Variants in TNKS observed in about 807,000 individuals in gnomAD.
TNKS encodes poly [ADP-ribose] polymerase tankyrase-1.
Under a neutral mutation model 135.8 loss-of-function variants are expected in TNKS, and 72 were observed. The observed-to-expected ratio is 0.53, with a 90% confidence interval of 0.44 to 0.64. The LOEUF (loss-of-function observed/expected upper bound fraction) is 0.64, where lower values mean the gene tolerates loss of function less well. Ranked by LOEUF, TNKS falls within the 30% of genes least tolerant of loss-of-function variation. The pLI, the probability that TNKS is intolerant of heterozygous loss-of-function variation, is 0.00. For synonymous variants in TNKS, 849 were observed against 649.3 expected (o/e 1.31, Z -4.68); for missense variants, 1,769 against 1,674.0 (o/e 1.06, Z -0.99).
chr8:9,679,543 C>T (rs2128796714), intron 3 of TNKS, among the ~76,000 whole-genome samples: 1 of 152,056 alleles, frequency 6.6e-6, no homozygotes, highest in Non-Finnish European at 1.5e-5. Context: ...GTAATTTGTA[C>T]CTTTAAAGAG....
intron 5 of TNKS, among the ~76,000 whole-genome samples, chr8:9,688,983 TATC>T (rs1409140628): frequency 2.6e-5 from 4 of 152,140 alleles, no homozygotes; most frequent in Non-Finnish European, 5.9e-5. Flanking sequence ...GCACTAATCT[TATC>T]ATGAGGTTCC....
At chr8:9,701,197 A>G (rs1803786304) in intron 5 of TNKS, among the ~76,000 whole-genome samples, 1 of 152,140 alleles carries the variant, frequency 6.6e-6, no homozygotes, top group African/African-American at 2.4e-5. Context: ...TCAGCCTCCC[A>G]AAGTGCTGGG....
chr8:9,675,514 T>A (rs572202854), intron 3 of TNKS, among the ~76,000 whole-genome samples: 13 of 152,346 alleles, frequency 8.5e-5, no homozygotes, highest in South Asian at 8.3e-4. Context: ...GGAATAGACC[T>A]CAGTGAATTT....
At chr8:9,558,161 T>G (rs1459461952) in intron 1 of TNKS, 1 of 152,202 alleles carries the variant, frequency 6.6e-6, no homozygotes, top group Non-Finnish European at 1.5e-5. Context: ...ATACATGTGT[T>G]GTCCTCTGAT....
intron 2 of TNKS, among the ~76,000 whole-genome samples, chr8:9,583,846 C>T (rs1798263613): frequency 6.6e-6 from 1 of 151,032 alleles, no homozygotes; most frequent in African/African-American, 2.4e-5. Context: ...AAATTATAAG[C>T]ATACTTTTCA....
At chr8:9,579,392 C>A (rs1040936102) in intron 1 of TNKS, among the ~76,000 whole-genome samples, 2 of 152,180 alleles carry the variant, frequency 1.3e-5, no homozygotes, top group Non-Finnish European at 2.9e-5. Context: ...ATACATTCAT[C>A]CCCAATTTCC....
intron 2 of TNKS, among the ~76,000 whole-genome samples, chr8:9,594,760 C>T (rs1312039597): frequency 6.6e-6 from 1 of 152,108 alleles, no homozygotes; most frequent in African/African-American, 2.4e-5. Context: ...ATTTTATAAA[C>T]AGTAGTATAA....
At chr8:9,641,727 A>G (rs1360889482) in intron 3 of TNKS, among the ~76,000 whole-genome samples, 1 of 145,188 alleles carries the variant, frequency 6.9e-6, no homozygotes, top group Non-Finnish European at 1.5e-5. Flanking sequence ...AATGATTTAC[A>G]TAGAACCACC....
chr8:9,668,405 GTA>G (rs2128791549), intron 3 of TNKS, among the ~76,000 whole-genome samples: 1 of 152,262 alleles, frequency 6.6e-6, no homozygotes, highest in Admixed American at 6.5e-5. Context: ...TAGTTGTCAA[GTA>G]TTTACAGAAT....
At chr8:9,766,842 G>A (rs1807479278) in intron 25 of TNKS, among the ~76,000 whole-genome samples, 1 of 152,142 alleles carries the variant, frequency 6.6e-6, no homozygotes, top group Admixed American at 6.5e-5. Flanking sequence ...TTGCATCCCG[G>A]TAAATCCCGT....
chr8:9,771,957 G>A (rs1265149956), intron 26 of TNKS, among the ~76,000 whole-genome samples: 1 of 16,668 alleles, frequency 6.0e-5, no homozygotes, highest in African/African-American at 2.3e-4. Context: ...GGAGGGAGTG[G>A]GAGGGAGTGA....
At chr8:9,607,537 T>C (rs1397257799) in intron 2 of TNKS, among the ~76,000 whole-genome samples, 1 of 152,212 alleles carries the variant, frequency 6.6e-6, no homozygotes, top group Non-Finnish European at 1.5e-5. Flanking sequence ...CTCTGTAACA[T>C]CACAATCCAC....
chr8:9,573,667 C>T (rs139540752), intron 1 of TNKS, among the ~76,000 whole-genome samples: 170 of 152,158 alleles, frequency 1.1e-3, no homozygotes, highest in African/African-American at 3.0e-3. Context: ...GATCTTTTTA[C>T]GCTTAAAAAG....
intron 14 of TNKS, among the ~76,000 whole-genome samples, chr8:9,732,208 G>A (rs1805480070): frequency 6.6e-6 from 1 of 152,154 alleles, no homozygotes; most frequent in South Asian, 2.1e-4. Context: ...ATTCCTAGAA[G>A]CATAGTTTTA....
chr8:9,615,823 A>T (rs749424205), intron 3 of TNKS, 146 bp downstream of exon 3: 30 of 617,850 alleles, frequency 4.9e-5, no homozygotes, highest in Non-Finnish European at 7.5e-5. Flanking sequence ...TATTGATTTG[A>T]TATCTGTCTC....
At position 9,708,511 on chromosome 8, in the gene TNKS, T is replaced by C. The variant is rs1385505322; in HGVS notation, c.1578+19T>C. ...AGCACTGGTAAGATTTTATTGTTAA[T>C]CTATTCCCTGTGTCTATAATAATAA... On this transcript the variant is annotated intron_variant, in intron 9 of 26. Coordinates refer to ENST00000310430, the MANE Select transcript of TNKS (RefSeq NM_003747.3). 1 of 1,571,608 alleles carries C rather than the reference T, an allele frequency of 6.4e-7. No individual in the cohort carries two copies. The highest frequency in any genetic ancestry group is 1.2e-5 in the South Asian group (1 of 82,214).
At chr8:9,567,577 G>A (rs532663371) in intron 1 of TNKS, among the ~76,000 whole-genome samples, 31 of 152,188 alleles carry the variant, frequency 2.0e-4, no homozygotes, top group South Asian at 4.2e-4. Context: ...CACCACGCCC[G>A]GCTAATTTTT....
chr8:9,709,525 C>A (rs548779113), intron 9 of TNKS, among the ~76,000 whole-genome samples: 1 of 152,272 alleles, frequency 6.6e-6, no homozygotes, highest in South Asian at 2.1e-4. Context: ...TATCCTTGGG[C>A]ATATAAACGT....
At chr8:9,615,710 T>A in intron 3 of TNKS, 33 bp downstream of exon 3, 1 of 1,501,402 alleles carries the variant, frequency 6.7e-7, no homozygotes, top group South Asian at 1.2e-5. Context: ...AATGATTATA[T>A]CTGTGTAACT....
Sources: allele counts gnomAD v4.1 joint callset (sites outside exome capture counted in the v4.1 genomes callset), GRCh38; gene constraint gnomAD v4.1.1; transcripts MANE v1.5; gene names NCBI Gene and HGNC (gene_info 2026-07-23, HGNC 2026-07-21).